ZNF516: variants seen among roughly 807,000 people sequenced by gnomAD.
The protein encoded by ZNF516 is zinc finger protein 516.
Under a neutral mutation model 79.7 loss-of-function variants are expected in ZNF516, and 19 were observed. That is an observed-to-expected ratio of 0.24 (90% CI 0.17 to 0.35). The LOEUF is 0.35. Among genes scored for constraint, ZNF516 ranks in the 10% least tolerant of loss-of-function variants. ZNF516 has a pLI of 1.00. For missense variants in ZNF516, 1,678 were observed against 1,679.5 expected (o/e 1.00, Z 0.02); for synonymous variants, 877 against 739.5 (o/e 1.19, Z -3.02).
intron 3 of ZNF516, among the ~76,000 whole-genome samples, chr18:76,417,779 C>A (rs2075450871): frequency 6.6e-6 from 1 of 152,106 alleles, no homozygotes; most frequent in Non-Finnish European, 1.5e-5. Flanking sequence ...CATTGAGTTT[C>A]TGCATAAGTT....
At position 76,471,319 on chromosome 18, in the gene ZNF516, G is replaced by A. The variant is rs183307929; in HGVS notation, c.-271-8178C>T. ...GCCTTACTTTCTTCCCGAAAAAGGT[G>A]ACAGAATGGATTGCTGCAGCTCTTG... On this transcript the variant is annotated intron_variant, in intron 1 of 6. Transcript: ENST00000443185. 7.9e-5 allele frequency among the ~76,000 whole-genome samples: 12 copies of A among 151,996 alleles called. No individual in the cohort carries two copies. The East Asian group carries it at 2.3e-3, about 29-fold the overall frequency.
intron 3 of ZNF516, among the ~76,000 whole-genome samples, chr18:76,390,027 AAACAG>A (rs1400715466): frequency 6.6e-6 from 1 of 152,194 alleles, no homozygotes; most frequent in Non-Finnish European, 1.5e-5. Context: ...CTCTTGGTTA[AAACAG>A]AACAGAAACA....
intron 6 of ZNF516, among the ~76,000 whole-genome samples, chr18:76,365,753 A>G (rs2074603305): frequency 6.6e-6 from 1 of 152,176 alleles, no homozygotes; most frequent in Non-Finnish European, 1.5e-5. Context: ...AATCACCCAC[A>G]AGAGCGGATG....
At chr18:76,492,392 T>C (rs891895509) in intron 1 of ZNF516, 1 of 982,542 alleles carries the variant, frequency 1.0e-6, no homozygotes, top group Non-Finnish European at 1.2e-6. Flanking sequence ...AATACGCCCA[T>C]TGTGCGGGTC....
intron 3 of ZNF516, among the ~76,000 whole-genome samples, chr18:76,401,045 G>A (rs2075212695): frequency 6.6e-6 from 1 of 152,014 alleles, no homozygotes; most frequent in South Asian, 2.1e-4. Context: ...TTAAAAAGAG[G>A]AAATAACTGT....
chr18:76,490,595 C>T, intron 1 of ZNF516: 1 of 218,890 alleles, frequency 4.6e-6, no homozygotes. Flanking sequence ...AGGCTAGCCA[C>T]CGTTGCATCT....
intron 2 of ZNF516, among the ~76,000 whole-genome samples, chr18:76,443,913 C>T (rs546082941): frequency 2.0e-5 from 3 of 152,210 alleles, no homozygotes; most frequent in East Asian, 3.9e-4. Context: ...CCTGCATGGC[C>T]GCCACCTACA....
At chr18:76,433,855 C>T (rs2075695114) in intron 3 of ZNF516, among the ~76,000 whole-genome samples, 1 of 152,200 alleles carries the variant, frequency 6.6e-6, no homozygotes, top group Non-Finnish European at 1.5e-5. Flanking sequence ...CTAGAATCTC[C>T]CAAAAAGCTC....
chr18:76,448,277 T>C (rs1357715418), intron 2 of ZNF516, among the ~76,000 whole-genome samples: 2 of 152,226 alleles, frequency 1.3e-5, no homozygotes, highest in Non-Finnish European at 2.9e-5. Flanking sequence ...TATCATACAA[T>C]TGAAATTAAA....
At chr18:76,406,696 A>G (rs1171146129) in intron 3 of ZNF516, among the ~76,000 whole-genome samples, 2 of 152,236 alleles carry the variant, frequency 1.3e-5, no homozygotes, top group Admixed American at 6.5e-5. Flanking sequence ...CATGGGTTCC[A>G]GGCTTTCGCC....
intron 1 of ZNF516, among the ~76,000 whole-genome samples, chr18:76,485,048 A>ATT (rs760730767): frequency 1.0e-3 from 78 of 77,108 alleles, no homozygotes; most frequent in Admixed American, 2.3e-3. Flanking sequence ...ATTTATTAAC[A>ATT]CTTTTATTTT....
At chr18:76,466,795 G>A (rs1193969476) in intron 1 of ZNF516, among the ~76,000 whole-genome samples, 7 of 152,216 alleles carry the variant, frequency 4.6e-5, no homozygotes, top group African/African-American at 1.7e-4. Context: ...ATCCCTGCTG[G>A]GACACGCACA....
intron 3 of ZNF516, among the ~76,000 whole-genome samples, chr18:76,409,614 C>A (rs2075347814): frequency 6.6e-6 from 1 of 152,146 alleles, no homozygotes; most frequent in Non-Finnish European, 1.5e-5. Context: ...ACTATTACAC[C>A]AAAAATATGC....
chr18:76,491,982 T>C (rs911694567), intron 1 of ZNF516, among the ~76,000 whole-genome samples: 3 of 152,028 alleles, frequency 2.0e-5, no homozygotes, highest in African/African-American at 7.2e-5. Flanking sequence ...GTAACCGAGT[T>C]AGATTTCTGC....
At position 76,443,103 on chromosome 18, in the gene ZNF516, G is replaced by T; in HGVS notation, c.-49C>A. ...GTGGCGGCACAGCTTTCTGTCGCGC[G>T]GGCTGCAGGGACCGTCCTATCTCTC... On this transcript the variant is annotated 5_prime_UTR_variant, in exon 3 of 7. Coordinates refer to ENST00000443185, the MANE Select transcript of ZNF516 (RefSeq NM_014643.4). 6.5e-7 allele frequency: 1 copy of T among 1,528,128 alleles called. No individual in the cohort carries two copies. The highest frequency in any genetic ancestry group is 1.2e-5 in the South Asian group (1 of 83,482). The allele number at this position is 1,528,128 out of a possible 1,614,324, so 94.7% of individuals were successfully genotyped here.
chr18:76,480,500 C>CAT (rs1216584754), intron 1 of ZNF516, among the ~76,000 whole-genome samples: 25 of 71,922 alleles, frequency 3.5e-4, no homozygotes, highest in Non-Finnish European at 5.2e-4. Context: ...CACATACACA[C>CAT]ACACACACAC....
chr18:76,449,757 C>T (rs1324701574), intron 2 of ZNF516, among the ~76,000 whole-genome samples: 1 of 152,206 alleles, frequency 6.6e-6, no homozygotes, highest in East Asian at 1.9e-4. Context: ...TGCAAAGGTA[C>T]TTGGTCACTG....
intron 3 of ZNF516, among the ~76,000 whole-genome samples, chr18:76,407,981 C>T (rs1156452688): frequency 6.6e-6 from 1 of 152,252 alleles, no homozygotes; most frequent in African/African-American, 2.4e-5. Flanking sequence ...GCCAACTGCA[C>T]CCTCTTGGTG....
In ZNF516 at chr18:76,493,607, A is replaced by C. The variant is rs1164642074; in HGVS notation, c.-272+1537T>G. 1 of 152,206 alleles carries C rather than the reference A, an allele frequency of 6.6e-6. No individual in the cohort carries two copies. Among genetic ancestry groups the C allele is most frequent in the Non-Finnish European group, 1.5e-5 (1 of 68,048 alleles). 9.4% of individuals were successfully genotyped at this position (152,206 alleles called of 1,614,324 possible). A position where few individuals can be genotyped will look rare whatever the true frequency, so the allele number is the denominator to read the frequency against. Reference sequence around the variant, plus strand: ...CTTGTAATCTGTTTTTCCTGTAAGCACTTTACCTAGCCGGGTTTCAGACCT... The same window carrying C: ...CTTGTAATCTGTTTTTCCTGTAAGCCCTTTACCTAGCCGGGTTTCAGACCT... On this transcript the variant is annotated intron_variant, in intron 1 of 6. Transcript: ENST00000443185. This position sits in a 1 kb window ranked among gnomAD's most constrained non-coding sequence, Gnocchi z 5.2.
Sources: allele counts gnomAD v4.1 joint callset (sites outside exome capture counted in the v4.1 genomes callset), GRCh38; gene constraint gnomAD v4.1.1; non-coding constraint Gnocchi (gnomAD v3.1); transcripts MANE v1.5; gene names NCBI Gene and HGNC (gene_info 2026-07-23, HGNC 2026-07-21).